The following EPHA8 variants were observed in gnomAD, a reference collection of about 807,000 sequenced individuals.
The protein encoded by EPHA8 is ephrin type-A receptor 8.
In EPHA8, 58 loss-of-function variants were observed where a neutral mutation model predicts 103.6. The observed-to-expected ratio is 0.56, with a 90% CI of 0.45 to 0.70. The LOEUF (loss-of-function observed/expected upper bound fraction) is 0.70, where lower values mean the gene tolerates loss of function less well. Among genes scored for constraint, EPHA8 ranks in the 30% least tolerant of loss-of-function variants. The probability of loss-of-function intolerance (pLI) is 0.00; values close to 1 mark genes in which losing one functional copy is unlikely to be tolerated. For missense variants in EPHA8, 1,304 were observed against 1,395.2 expected, an observed-to-expected ratio of 0.93 and a Z score of 1.04; for synonymous variants, 559 against 572.5, an observed-to-expected ratio of 0.98 and a Z score of 0.34.
In EPHA8 at chr1:22,568,294, C is replaced by G. The variant is rs544225454; in HGVS notation, c.95-995C>G. On this transcript the variant is annotated intron_variant, in intron 1 of 16. Coordinates refer to ENST00000166244, the MANE Select transcript of EPHA8 (RefSeq NM_020526.5). ...TCTGACCCCCCAGATGGGCTCTTTT[C>G]CCTACCATGTTGAGCCTGCAGGGTC... 2.6e-5 allele frequency among the ~76,000 whole-genome samples: 4 copies of G among 152,310 alleles called. No individual in the cohort carries two copies. The South Asian group carries it at 8.3e-4, about 32-fold the overall frequency.
chr1:22,586,327 C>T (rs1344584371), intron 3 of EPHA8, among the ~76,000 whole-genome samples, 153 bp from the exon 4 acceptor site: 1 of 152,134 alleles, frequency 6.6e-6, no homozygotes, highest in Admixed American at 6.5e-5. Context: ...GTTCTGCCCT[C>T]TGCAAATGAG....
In EPHA8 at chr1:22,601,026, C is replaced by T; in HGVS notation, c.2667C>T (p.Val889=). 2.5e-6 allele frequency: 4 copies of T among 1,612,882 alleles called. No homozygotes were observed. Among genetic ancestry groups the T allele is most frequent in the Middle Eastern group, 3.3e-4 (2 of 6,060 alleles). ...AGCGGCCTCGCTTCTCCCAGATTGT[C>T]AGTGTCCTCGATGCGCTCATCCGCA... The part of the protein sequence containing the change: ...RAQRPRFSQI[V]SVLDALIRSP... The change falls in exon 15 of 17, where the codon GTC becomes GTT. Residue 889 remains valine (V), a synonymous_variant. Transcript: ENST00000166244.
rs751447420 is a variant in EPHA8, at chr1:22,597,499, G to A, written c.1930+23G>A. On this transcript the variant is annotated intron_variant, in intron 10 of 16. Coordinates refer to ENST00000166244, the MANE Select transcript of EPHA8 (RefSeq NM_020526.5). This position sits in a 1 kb window ranked among gnomAD's most constrained non-coding sequence, Gnocchi z 4.6. ...CTGGTGAGTCTCAGGGGTTGTGAGG[G>A]CGGGGCCAGCATGGGGCAAGGTGGG... The A allele has an allele frequency of 4.4e-6, 7 of 1,607,248 alleles. No homozygotes were observed. The highest frequency in any genetic ancestry group is 6.0e-6 in the Non-Finnish European group (7 of 1,176,310).
rs1025510947 is a variant in EPHA8, at chr1:22,576,505, G to A, written c.448G>A (p.Ala150Thr). 1.2e-6 allele frequency: 2 copies of A among 1,614,150 alleles called. No homozygotes were observed. The highest frequency in any genetic ancestry group is 1.7e-6 in the Non-Finnish European group (2 of 1,180,042). Residue 150 changes from alanine (A) to threonine (T), a missense_variant, in exon 3 of 17, where the codon GCC becomes ACC. Ala to Thr is a moderately conservative substitution (Grantham distance 58, BLOSUM62 0). Coordinates refer to ENST00000166244, the MANE Select transcript of EPHA8 (RefSeq NM_020526.5). The surrounding 1 kb of genome is among the most constrained non-coding windows in gnomAD (Gnocchi z 4.8). ...SQFLKIDTIA[A>T]DESFTGADLG... The stretch of plus-strand genomic sequence containing the variant: ...GTTCCTCAAAATCGACACCATTGCG[G>A]CCGACGAGAGCTTCACAGGTGCCGA...
At chr1:22,570,770 C>G (rs1206056608) in intron 2 of EPHA8, among the ~76,000 whole-genome samples, 2 of 152,250 alleles carry the variant, frequency 1.3e-5, no homozygotes, top group African/African-American at 2.4e-5. Flanking sequence ...AGGAAGCCCT[C>G]GTCACCTGAC....
intron 13 of EPHA8, 23 bp downstream of exon 13, chr1:22,599,070 G>A (rs376487223): frequency 1.5e-5 from 24 of 1,573,338 alleles, no homozygotes; most frequent in African/African-American, 9.4e-5. Context: ...CACTCCTTCC[G>A]GCTAGACTGG....
rs1328139113 is a variant in EPHA8, at chr1:22,593,603, G to A, written c.1520G>A (p.Arg507His). The A allele has an allele frequency of 1.2e-5, 20 of 1,611,204 alleles. No individual in the cohort carries two copies. The highest frequency in any genetic ancestry group is 4.5e-5 in the East Asian group (2 of 44,804). ...ATVSGLKPGTRYVFQVRARTS... is the reference protein window; with the variant it reads ...ATVSGLKPGTHYVFQVRARTS... ...GTCTCCGGCCTCAAGCCGGGCACCC[G>A]CTACGTGTTCCAGGTCCGAGCCCGC... Residue 507 changes from arginine to histidine, a missense_variant, in exon 7 of 17, where the codon CGC becomes CAC. Arg to His is a conservative substitution (Grantham distance 29, BLOSUM62 0). Coordinates refer to ENST00000166244, the MANE Select transcript of EPHA8 (RefSeq NM_020526.5).
Position 22,567,162 on chromosome 1 carries a change from G to A in EPHA8, c.95-2127G>A, listed in dbSNP as rs541719822. 1.3e-5 allele frequency among the ~76,000 whole-genome samples: 2 copies of A among 152,150 alleles called. No homozygotes were observed. The highest frequency in any genetic ancestry group is 2.9e-5 in the Non-Finnish European group (2 of 68,028). On this transcript the variant is annotated intron_variant, in intron 1 of 16. Coordinates refer to ENST00000166244, the MANE Select transcript of EPHA8 (RefSeq NM_020526.5). The surrounding 1 kb of genome is among the most constrained non-coding windows in gnomAD (Gnocchi z 4.2). ...AGTGGACATCCACTTGAGTGGCTCCGGGATAGGGACAGGTCTGGGCTGCAT... is the reference window on the plus strand; with the variant it reads ...AGTGGACATCCACTTGAGTGGCTCCAGGATAGGGACAGGTCTGGGCTGCAT...
intron 3 of EPHA8, among the ~76,000 whole-genome samples, chr1:22,578,083 GTGTGCATGTAGCGTC>G: frequency 1.5e-5 from 1 of 66,358 alleles, no homozygotes; most frequent in Non-Finnish European, 3.2e-5. Flanking sequence ...GTATGCATGT[GTGTGCATGTAGCGTC>G]AGTGTATGCA....
rs1640684093 is a variant in EPHA8, at chr1:22,576,184, C to T, written c.160-33C>T. 1 of 1,575,042 alleles carries T rather than the reference C, an allele frequency of 6.3e-7. No homozygotes were observed. The highest frequency in any genetic ancestry group is 1.3e-5 in the African/African-American group (1 of 74,080). Reference sequence around the variant, plus strand: ...GGCAAAAGAGGGTGAGGTGCTGGCTCTGCTGTAGTGGCTGTGTTCTCTCTG... The same window carrying T: ...GGCAAAAGAGGGTGAGGTGCTGGCTTTGCTGTAGTGGCTGTGTTCTCTCTG... On this transcript the variant is annotated intron_variant, in intron 2 of 16. Coordinates refer to ENST00000166244, the MANE Select transcript of EPHA8 (RefSeq NM_020526.5). The surrounding 1 kb of genome is among the most constrained non-coding windows in gnomAD (Gnocchi z 4.8).
Position 22,593,702 on chromosome 1 carries a change from G to T in EPHA8, c.1603+16G>T, listed in dbSNP as rs1307690022. On this transcript the variant is annotated intron_variant, in intron 7 of 16. Coordinates refer to ENST00000166244, the MANE Select transcript of EPHA8 (RefSeq NM_020526.5). ...GGGAAACCCCGTGAGTGCAGGGAGG[G>T]GGCGTGGGCGCGGAGCAGCCCAGGT... 6.4e-7 allele frequency: 1 copy of T among 1,566,420 alleles called. No homozygotes were observed. The highest frequency in any genetic ancestry group is 1.3e-5 in the African/African-American group (1 of 74,080).
chr1:22,597,462 A>AAAT lies in EPHA8; in HGVS notation c.1917_1919dup (p.Ile641dup). 6.2e-7 allele frequency: 1 copy of AAAT among 1,613,204 alleles called. No homozygotes were observed. The highest frequency in any genetic ancestry group is 8.5e-7 in the Non-Finnish European group (1 of 1,179,886). ...GAGGCCTCTAGGATCCACATCGAGA[A>AAAT]AATCATCGGCTCTGGTGAGTCTCAG... On this transcript the variant is annotated inframe_insertion, in exon 10 of 17. Transcript: ENST00000166244. This position sits in a 1 kb window ranked among gnomAD's most constrained non-coding sequence, Gnocchi z 4.6.
intron 3 of EPHA8, among the ~76,000 whole-genome samples, chr1:22,579,201 CTG>C (rs910435489): frequency 3.0e-5 from 4 of 131,314 alleles, no homozygotes; most frequent in African/African-American, 1.2e-4. Flanking sequence ...ATATGTGTAC[CTG>C]TGTGCATGTG....
At position 22,589,699 on chromosome 1, in the gene EPHA8, AG is replaced by A. The variant is rs61232603; in HGVS notation, c.1315+494del. ...ACTTGGCTGCACTGGCTTGGACCAC[AG>A]TAGTTTATCTATCAGTTTCTGGCCA... On this transcript the variant is annotated intron_variant, in intron 5 of 16. Transcript: ENST00000166244. The surrounding 1 kb of genome is among the most constrained non-coding windows in gnomAD (Gnocchi z 4.3). 73,753 of 1,070,108 alleles carry A rather than the reference AG, an allele frequency of 0.069. 2,780 individuals carry two copies. Among genetic ancestry groups the A allele is most frequent in the Middle Eastern group, 0.077 (179 of 2,320 alleles). The allele number at this position is 1,070,108 out of a possible 1,614,324, so 66.3% of individuals were successfully genotyped here.
In EPHA8 at chr1:22,598,261, A is replaced by C; in HGVS notation, c.2178+49A>C. 1 of 1,584,312 alleles carries C rather than the reference A, an allele frequency of 6.3e-7. No homozygotes were observed. Among genetic ancestry groups the C allele is most frequent in the East Asian group, 2.2e-5 (1 of 44,666 alleles). On this transcript the variant is annotated intron_variant, in intron 12 of 16. Transcript: ENST00000166244. This position sits in a 1 kb window ranked among gnomAD's most constrained non-coding sequence, Gnocchi z 5.1. ...TGCATGGGCTTGGGGAGGGAGGTCCAGTCTGGGTGCTGGGAGATAGTGCAA... is the reference window on the plus strand; with the variant it reads ...TGCATGGGCTTGGGGAGGGAGGTCCCGTCTGGGTGCTGGGAGATAGTGCAA...
chr1:22,576,491 T>G lies in EPHA8; in HGVS notation c.434T>G (p.Ile145Ser), dbSNP rs746101749. 4.3e-6 allele frequency: 7 copies of G among 1,613,978 alleles called. No individual in the cohort carries two copies. The East Asian group carries it at 1.6e-4, about 36-fold the overall frequency. Residue 145 changes from isoleucine (I) to serine (S), a missense_variant, in exon 3 of 17, where the codon ATC (isoleucine) becomes AGC (serine). Ile to Ser is a moderately radical substitution (Grantham distance 142). Transcript: ENST00000166244. This position sits in a 1 kb window ranked among gnomAD's most constrained non-coding sequence, Gnocchi z 4.8. Reference sequence around the variant, plus strand: ...ACACAAGAAAGCCAGTTCCTCAAAATCGACACCATTGCGGCCGACGAGAGC... The same window carrying G: ...ACACAAGAAAGCCAGTTCCTCAAAAGCGACACCATTGCGGCCGACGAGAGC... ...ASTQESQFLK[I>S]DTIAADESFT...
chr1:22,598,101 C>T lies in EPHA8; in HGVS notation c.2117-50C>T, dbSNP rs181468505. 2.2e-3 allele frequency: 3,422 copies of T among 1,587,658 alleles called. 8 individuals carry two copies. The highest frequency in any genetic ancestry group is 2.7e-3 in the Non-Finnish European group (3,076 of 1,157,034). ...GTATGCTCCTGGGGTCTCTGATCAG[C>T]AGCCCTGAGCCCCAAACCAAGAGCC... On this transcript the variant is annotated intron_variant, in intron 11 of 16. Transcript: ENST00000166244. This position sits in a 1 kb window ranked among gnomAD's most constrained non-coding sequence, Gnocchi z 5.1.
intron 4 of EPHA8, among the ~76,000 whole-genome samples, chr1:22,587,169 G>A (rs1557570117): frequency 6.6e-6 from 1 of 152,376 alleles, no homozygotes; most frequent in African/African-American, 2.4e-5. Flanking sequence ...GTGTGTTAGC[G>A]TGTGTCTGTG....
chr1:22,586,656 C>A (rs778649812), intron 4 of EPHA8, 21 bp downstream of exon 4: 22 of 1,611,456 alleles, frequency 1.4e-5, no homozygotes, highest in Non-Finnish European at 1.8e-5. Context: ...CTCCGAGATG[C>A]CAGTACCCTT....
Sources: allele counts gnomAD v4.1 joint callset (sites outside exome capture counted in the v4.1 genomes callset), GRCh38; gene constraint gnomAD v4.1.1; non-coding constraint Gnocchi (gnomAD v3.1); transcripts MANE v1.5; gene names NCBI Gene and HGNC (gene_info 2026-07-23, HGNC 2026-07-21).